Variants in DNMBP observed in about 807,000 individuals in gnomAD.
DNMBP encodes dynamin binding protein.
Under a neutral mutation model 150.0 loss-of-function variants are expected in DNMBP, and 87 were observed. That is an observed-to-expected ratio of 0.58 (90% CI 0.49 to 0.69). DNMBP has a LOEUF of 0.69. Among genes scored for constraint, DNMBP ranks in the 30% least tolerant of loss-of-function variants. DNMBP has a pLI of 0.00. For synonymous variants in DNMBP, 711 were observed against 750.4 expected (o/e 0.95, Z 0.86); for missense variants, 1,774 against 1,949.0 (o/e 0.91, Z 1.69).
rs540459670 is a variant in DNMBP, at chr10:99,947,609, C to A, written c.2260+7605G>T. ...AGGGAGGCAAAGGTTGAAAAACTGCCTATTAGGTACTATGTTCTCTTACAC... is the reference window on the plus strand; with the variant it reads ...AGGGAGGCAAAGGTTGAAAAACTGCATATTAGGTACTATGTTCTCTTACAC... On this transcript the variant is annotated intron_variant, in intron 4 of 16. Transcript: ENST00000324109. Among the ~76,000 whole-genome samples the A allele has an allele frequency of 8.9e-4, 135 of 152,082 alleles. 1 individual carries two copies. Among genetic ancestry groups the A allele is most frequent in the African/African-American group, 3.1e-3 (128 of 41,500 alleles).
chr10:99,930,220 C>T, intron 4 of DNMBP: 1 of 703,020 alleles, frequency 1.4e-6, no homozygotes, highest in Non-Finnish European at 2.6e-6. Flanking sequence ...TTAACATTCT[C>T]ATGGTCTATA....
At chr10:99,991,425 T>C (rs1482658859) in intron 1 of DNMBP, among the ~76,000 whole-genome samples, 1 of 151,742 alleles carries the variant, frequency 6.6e-6, no homozygotes. Context: ...CCCCACAACA[T>C]CCCCTCTCCT....
chr10:99,940,616 C>T (rs1042138873), intron 4 of DNMBP, among the ~76,000 whole-genome samples: 1 of 152,196 alleles, frequency 6.6e-6, no homozygotes, highest in Non-Finnish European at 1.5e-5. Context: ...CAAACGACTT[C>T]CGCTGGCACC....
At chr10:100,005,207 A>G (rs1350241505) in intron 1 of DNMBP, among the ~76,000 whole-genome samples, 1 of 152,164 alleles carries the variant, frequency 6.6e-6, no homozygotes, top group African/African-American at 2.4e-5. Context: ...GGCACTATTT[A>G]ATCAAATTCA....
At chr10:99,891,174 C>A (rs968842038) in intron 11 of DNMBP, among the ~76,000 whole-genome samples, 9 of 147,354 alleles carry the variant, frequency 6.1e-5, no homozygotes, top group African/African-American at 2.3e-4. Flanking sequence ...CCCCCTCTCC[C>A]TCCCCCTCTC....
intron 3 of DNMBP, chr10:99,957,489 C>A: frequency 2.4e-6 from 1 of 416,284 alleles, no homozygotes. Context: ...ACTTTATCTA[C>A]ATATTTTACT....
chr10:100,004,255 AT>A (rs988236175), intron 1 of DNMBP, among the ~76,000 whole-genome samples: 24 of 149,644 alleles, frequency 1.6e-4, no homozygotes, highest in African/African-American at 4.9e-4. Flanking sequence ...AAAAGAAAAA[AT>A]ATATATATAT....
chr10:99,922,148 G>A (rs1268099661), intron 4 of DNMBP, among the ~76,000 whole-genome samples: 7 of 152,040 alleles, frequency 4.6e-5, no homozygotes, highest in Non-Finnish European at 8.8e-5. Context: ...GTACAGCCAC[G>A]GGCACTTCCT....
chr10:99,895,492 TA>T lies in DNMBP; in HGVS notation c.3052-443del, dbSNP rs142881711. On this transcript the variant is annotated intron_variant, in intron 10 of 16. Transcript: ENST00000324109. ...AAACCTTTAATGTTTTCCTGAATCA[TA>T]GTGAATTGATTTAAACACCTGCATG... 5.8e-3 allele frequency among the ~76,000 whole-genome samples: 877 copies of T among 152,362 alleles called. 7 individuals carry two copies. The highest frequency in any genetic ancestry group is 0.02 in the African/African-American group (825 of 41,590).
At position 99,888,913 on chromosome 10, in the gene DNMBP, C is replaced by T. The variant is rs2039514795; in HGVS notation, c.3197G>A (p.Trp1066Ter). ...GTGTCCTCTCTCCATGCACACATCC[C>T]ACATGCTCACAGCAGCCACCACTTT... ...CVKVVAAVSM[W>*]DVCMERGHRD... The change falls in exon 12 of 17, where the codon TGG (tryptophan) becomes TAG (stop). Residue 1066 changes from tryptophan to a stop codon, truncating the protein, a stop_gained. Transcript: ENST00000324109. LOFTEE classifies it high-confidence loss of function. 2 of 1,614,044 alleles carry T rather than the reference C, an allele frequency of 1.2e-6. No homozygotes were observed. The highest frequency in any genetic ancestry group is 1.1e-5 in the South Asian group (1 of 91,082).
intron 1 of DNMBP, among the ~76,000 whole-genome samples, chr10:99,982,651 C>G (rs946973310): frequency 6.6e-6 from 1 of 151,938 alleles, no homozygotes; most frequent in African/African-American, 2.4e-5. Context: ...TCAGTATATT[C>G]TTTCAAAAAG....
At position 99,879,870 on chromosome 10, in the gene DNMBP, C is replaced by T; in HGVS notation, c.4489G>A (p.Ala1497Thr). Residue 1497 changes from alanine (A) to threonine (T), a missense_variant, in exon 16 of 17, where the codon GCC (alanine) becomes ACC (threonine). Around this residue, in one of 2 missense-constraint regions of DNMBP, gnomAD observed 1,430 missense variants for 1,492.5 expected, o/e 0.96. Coordinates refer to ENST00000324109, the MANE Select transcript of DNMBP (RefSeq NM_015221.4). ...GTACTTCTGTCTTCCGGAGCCTGGG[C>T]TGTTCTTGCACATCCTTTGACGAGG... ...QDLVKGCART[A>T]QAPEDRSTEP... is the part of the protein sequence containing the mutation. The T allele has an allele frequency of 6.2e-7, 1 of 1,614,236 alleles. No homozygotes were observed.
intron 6 of DNMBP, among the ~76,000 whole-genome samples, chr10:99,901,969 C>G (rs988655377): frequency 6.6e-6 from 1 of 151,996 alleles, no homozygotes; most frequent in Non-Finnish European, 1.5e-5. Flanking sequence ...GTGGCACAAT[C>G]TTGGCTCACT....
chr10:99,922,509 T>G (rs541970168), intron 4 of DNMBP, among the ~76,000 whole-genome samples: 8 of 99,158 alleles, frequency 8.1e-5, no homozygotes, highest in Middle Eastern at 5.9e-3. Context: ...GCTGTTTTTT[T>G]TTTTTTTTTT....
At position 99,982,680 on chromosome 10, in the gene DNMBP, C is replaced by T. The variant is rs952534857; in HGVS notation, c.-10-10546G>A. Among the ~76,000 whole-genome samples the T allele has an allele frequency of 7.2e-5, 11 of 151,946 alleles. No homozygotes were observed. The East Asian group carries it at 1.4e-3, about 19-fold the overall frequency. On this transcript the variant is annotated intron_variant, in intron 1 of 16. Coordinates refer to ENST00000324109, the MANE Select transcript of DNMBP (RefSeq NM_015221.4). ...CAAAAAGCACTGGTGAGGCTGGGCA[C>T]GGTGGCTCACGCCTGTAATCCCAGC...
intron 4 of DNMBP, among the ~76,000 whole-genome samples, chr10:99,910,947 T>TCA (rs2039891750): frequency 6.6e-6 from 1 of 152,098 alleles, no homozygotes; most frequent in East Asian, 1.9e-4. Context: ...AGTCAGCAAA[T>TCA]CACCATTTTA....
At chr10:99,896,182 C>T (rs1393884802) in intron 10 of DNMBP, 85 bp downstream of exon 10, 5 of 1,490,452 alleles carry the variant, frequency 3.4e-6, no homozygotes, top group East Asian at 2.4e-5. Flanking sequence ...AAGGGAACCA[C>T]GCCAATTGAC....
At chr10:99,943,472 A>T (rs1395758892) in intron 4 of DNMBP, among the ~76,000 whole-genome samples, 2 of 152,022 alleles carry the variant, frequency 1.3e-5, no homozygotes, top group Non-Finnish European at 2.9e-5. Context: ...ATATGATGAC[A>T]GCTCACTGCA....
intron 1 of DNMBP, among the ~76,000 whole-genome samples, chr10:100,007,924 GT>G (rs1248579344): frequency 6.6e-6 from 1 of 152,248 alleles, no homozygotes; most frequent in Non-Finnish European, 1.5e-5. Context: ...TTGAATTGGT[GT>G]TGCAAAACTT....
Sources: allele counts gnomAD v4.1 joint callset (sites outside exome capture counted in the v4.1 genomes callset), GRCh38; gene constraint gnomAD v4.1.1; regional missense constraint gnomAD v4.1.1; transcripts MANE v1.5; gene names NCBI Gene and HGNC (gene_info 2026-07-23, HGNC 2026-07-21).